Variants in OSBPL6 observed in about 807,000 individuals in gnomAD.
The protein encoded by OSBPL6 is oxysterol binding protein like 6, also known as oxysterol-binding protein-related protein 6.
A neutral mutation model predicts 125.8 loss-of-function variants in OSBPL6; 49 were observed. The ratio of observed to expected loss-of-function variants is 0.39; its 90% CI spans 0.31 to 0.49. The LOEUF (loss-of-function observed/expected upper bound fraction) is 0.49, where lower values mean the gene tolerates loss of function less well. OSBPL6 is among the 20% of genes least tolerant of loss of function. The pLI, the probability that OSBPL6 is intolerant of heterozygous loss-of-function variation, is 0.88. For missense variants in OSBPL6, 986 were observed against 1,135.4 expected (o/e 0.87, Z 1.89); for synonymous variants, 394 against 391.8 (o/e 1.01, Z -0.07).
chr2:178,364,127 G>A (rs1692598691), intron 13 of OSBPL6, among the ~76,000 whole-genome samples: 1 of 152,206 alleles, frequency 6.6e-6, no homozygotes, highest in African/African-American at 2.4e-5. Flanking sequence ...GGCCGTTGGA[G>A]AGGTGTCTGG....
chr2:178,346,333 C>T (rs972623296), intron 11 of OSBPL6, among the ~76,000 whole-genome samples: 12 of 152,180 alleles, frequency 7.9e-5, no homozygotes, highest in African/African-American at 2.7e-4. Context: ...AGACTTTTCC[C>T]ACTGGCTCGA....
chr2:178,309,996 C>A (rs961959931), intron 3 of OSBPL6, among the ~76,000 whole-genome samples: 1 of 152,124 alleles, frequency 6.6e-6, no homozygotes, highest in Non-Finnish European at 1.5e-5. Context: ...TTAAGGACAC[C>A]GATAAGTCCC....
rs139688923 is a variant in OSBPL6 at position 178,385,278 on chromosome 2, C to T, written c.2014-180C>T. Among the ~76,000 whole-genome samples the T allele has an allele frequency of 1.4e-4, 21 of 152,166 alleles. No homozygotes were observed. The East Asian group carries it at 3.1e-3, about 22-fold the overall frequency. On this transcript the variant is annotated intron_variant, in intron 18 of 24. Transcript: ENST00000190611. ...AAGAAAGAAAGGAAGGAAGGAAGGA[C>T]GAATTCACTTCACTTATGGGCATTA...
At chr2:178,328,199 T>A in intron 4 of OSBPL6, 57 bp from the exon 5 acceptor site, 2 of 1,605,750 alleles carry the variant, frequency 1.2e-6, no homozygotes, top group Non-Finnish European at 1.7e-6. Context: ...GAATCTGCTT[T>A]AAGTGTGTCA....
At chr2:178,240,174 A>C (rs2091232187) in intron 1 of OSBPL6, among the ~76,000 whole-genome samples, 1 of 152,118 alleles carries the variant, frequency 6.6e-6, no homozygotes, top group Non-Finnish European at 1.5e-5. Context: ...ACATAGTTTT[A>C]GTTTGGGAAG....
chr2:178,306,309 C>T, intron 3 of OSBPL6, 23 bp downstream of exon 3: 1 of 1,468,900 alleles, frequency 6.8e-7, no homozygotes, highest in Non-Finnish European at 9.5e-7. Context: ...CATTAAGTGC[C>T]TTTGGTTGTT....
chr2:178,344,249 C>T (rs373519700), intron 11 of OSBPL6: 4 of 1,556,552 alleles, frequency 2.6e-6, no homozygotes, highest in African/African-American at 1.4e-5. Context: ...CCTCCCCCGT[C>T]CTGTGTTTCC....
intron 11 of OSBPL6, among the ~76,000 whole-genome samples, chr2:178,347,167 C>T (rs969296448): frequency 2.6e-5 from 4 of 152,136 alleles, no homozygotes; most frequent in Admixed American, 6.5e-5. Context: ...CCTGGGTTTT[C>T]ACTGCATAAT....
chr2:178,388,896 G>T (rs1180291066), intron 20 of OSBPL6, 113 bp from the exon 21 acceptor site: 6 of 1,074,640 alleles, frequency 5.6e-6, no homozygotes, highest in Non-Finnish European at 7.9e-6. Flanking sequence ...GACACAAATG[G>T]GAGGAGAATG....
intron 1 of OSBPL6, among the ~76,000 whole-genome samples, chr2:178,249,753 C>G (rs529390272): frequency 6.6e-6 from 1 of 151,864 alleles, no homozygotes; most frequent in Non-Finnish European, 1.5e-5. Context: ...ATGCTGTTGG[C>G]ACCCAGAGAC....
chr2:178,275,644 G>A (rs1306903265), intron 1 of OSBPL6, among the ~76,000 whole-genome samples: 1 of 152,028 alleles, frequency 6.6e-6, no homozygotes, highest in East Asian at 1.9e-4. Context: ...GCATTGAGGA[G>A]ACGGATTGAG....
chr2:178,255,643 A>G (rs915907635), intron 1 of OSBPL6, among the ~76,000 whole-genome samples: 5 of 152,224 alleles, frequency 3.3e-5, no homozygotes, highest in African/African-American at 1.2e-4. Flanking sequence ...GCTGGTCTTC[A>G]ATTCTTACAG....
intron 3 of OSBPL6, among the ~76,000 whole-genome samples, chr2:178,306,679 CTGTT>C (rs1050428868): frequency 5.3e-5 from 8 of 152,198 alleles, no homozygotes; most frequent in Admixed American, 1.3e-4. Flanking sequence ...AGCCCTAACT[CTGTT>C]TGGTATTTTG....
chr2:178,224,487 A>T (rs2090469861), intron 1 of OSBPL6, among the ~76,000 whole-genome samples: 1 of 152,226 alleles, frequency 6.6e-6, no homozygotes, highest in Non-Finnish European at 1.5e-5. Context: ...CTCCTTTTTA[A>T]GGAAATAACA....
In OSBPL6 at chr2:178,241,179, A is replaced by AT. The variant is rs796613101; in HGVS notation, c.-350-43734dup. Among the ~76,000 whole-genome samples the AT allele has an allele frequency of 3.3e-3, 232 of 69,772 alleles. 1 individual carries two copies. The highest frequency in any genetic ancestry group is 0.012 in the African/African-American group (186 of 15,502). 45.8% of individuals were successfully genotyped at this position (69,772 alleles called of 152,430 possible). On this transcript the variant is annotated intron_variant, in intron 1 of 24. Transcript: ENST00000190611. ...CAGTTTAAGCTCATATAGCACAGAT[A>AT]TTTTTTTTTTTTTTACTCTGGACTC...
chr2:178,306,082 A>G lies in OSBPL6; in HGVS notation c.-103A>G. 1.3e-6 allele frequency: 1 copy of G among 753,206 alleles called. No individual in the cohort carries two copies. Among genetic ancestry groups the G allele is most frequent in the Non-Finnish European group, 2.3e-6 (1 of 435,542 alleles). The allele number at this position is 753,206 out of a possible 1,614,324, so 46.7% of individuals were successfully genotyped here. A position where few individuals can be genotyped will look rare whatever the true frequency, so the allele number is the denominator to read the frequency against. On this transcript the variant is annotated 5_prime_UTR_variant, in exon 3 of 25. It removes an upstream start codon present in the reference 5' UTR. Transcript: ENST00000190611. ...GCTCTTTTCTAGTCAAACCTGATTC[A>G]TGAAATGGAATGAAGCTGAAAAATC... is the stretch of plus-strand genomic sequence containing the variant.
chr2:178,353,966 G>T (rs143002238), intron 12 of OSBPL6, among the ~76,000 whole-genome samples: 1,530 of 152,276 alleles, frequency 0.01, 42 homozygotes, highest in Non-Finnish European at 0.012. Flanking sequence ...TTTCAACCCA[G>T]AATTTCATAT....
At chr2:178,348,816 G>T (rs1310629183) in intron 11 of OSBPL6, among the ~76,000 whole-genome samples, 1 of 152,172 alleles carries the variant, frequency 6.6e-6, no homozygotes, top group African/African-American at 2.4e-5. Flanking sequence ...AATTTTCACA[G>T]GTTTAGTAAG....
intron 1 of OSBPL6, among the ~76,000 whole-genome samples, chr2:178,265,487 T>C (rs2092204803): frequency 6.6e-6 from 1 of 152,138 alleles, no homozygotes; most frequent in South Asian, 2.1e-4. Context: ...GTGCTGGGAT[T>C]ACAGGTGCAG....
Sources: allele counts gnomAD v4.1 joint callset (sites outside exome capture counted in the v4.1 genomes callset), GRCh38; gene constraint gnomAD v4.1.1; transcripts MANE v1.5; gene names NCBI Gene and HGNC (gene_info 2026-07-23, HGNC 2026-07-21).